Variants in DGKA observed in about 807,000 individuals in gnomAD.
The protein encoded by DGKA is 80 kDa diacylglycerol kinase.
Under a neutral mutation model 105.0 loss-of-function variants are expected in DGKA, and 35 were observed. That is an observed-to-expected ratio of 0.33 (90% CI 0.25 to 0.44). The LOEUF is 0.44. Ranked by LOEUF, DGKA falls within the 20% of genes least tolerant of loss-of-function variation. The pLI is 1.00. For missense variants in DGKA, 665 were observed against 915.0 expected, an observed-to-expected ratio of 0.73 and a Z score of 3.53; for synonymous variants, 296 against 332.0, an observed-to-expected ratio of 0.89 and a Z score of 1.18.
chr12:55,946,809 G>T (rs754599461), intron 17 of DGKA, among the ~76,000 whole-genome samples: 1 of 152,172 alleles, frequency 6.6e-6, no homozygotes, highest in Non-Finnish European at 1.5e-5. Context: ...AGACTTTCAA[G>T]AGTTAAAATG....
At position 55,952,292 on chromosome 12, in the gene DGKA, C is replaced by T. The variant is rs770618183; in HGVS notation, c.1653-49C>T. 14 of 1,585,354 alleles carry T rather than the reference C, an allele frequency of 8.8e-6. No homozygotes were observed. In the South Asian group the frequency reaches 1.3e-4, roughly 15 times the overall value. On this transcript the variant is annotated intron_variant, in intron 19 of 23. Transcript: ENST00000331886. The surrounding 1 kb of genome is among the most constrained non-coding windows in gnomAD (Gnocchi z 5.1). ...CTGTCACGTACCACCCCTGCCAGCA[C>T]TGTGTAACCTGTCCCTCCCTACTGG...
At position 55,952,249 on chromosome 12, in the gene DGKA, G is replaced by T. The variant is rs751422018; in HGVS notation, c.1653-92G>T. ...CTTGTTCCCCATGGGACTAAAGTTAGGAGGTTGATGCCCTTCCCTGTCACG... is the reference window on the plus strand; with the variant it reads ...CTTGTTCCCCATGGGACTAAAGTTATGAGGTTGATGCCCTTCCCTGTCACG... On this transcript the variant is annotated intron_variant, in intron 19 of 23. Coordinates refer to ENST00000331886, the MANE Select transcript of DGKA (RefSeq NM_001345.5). The surrounding 1 kb of genome is among the most constrained non-coding windows in gnomAD (Gnocchi z 5.1). 2.9e-5 allele frequency: 43 copies of T among 1,499,888 alleles called. No homozygotes were observed. The highest frequency in any genetic ancestry group is 1.6e-5 in the Non-Finnish European group (17 of 1,077,210). The allele number at this position is 1,499,888 out of a possible 1,614,324, so 92.9% of individuals were successfully genotyped here.
intron 1 of DGKA, chr12:55,935,491 C>T (rs1006016091): frequency 3.9e-5 from 6 of 152,304 alleles, no homozygotes; most frequent in African/African-American, 1.4e-4. Flanking sequence ...ACCTGGGGCT[C>T]CCTAAGCACT....
chr12:55,931,638 G>A (rs1375694673), intron 1 of DGKA: 1 of 152,494 alleles, frequency 6.6e-6, no homozygotes, highest in Non-Finnish European at 1.5e-5. Context: ...AGTTGGTTAG[G>A]GAAGTTCAGG....
Position 55,952,674 on chromosome 12 carries a change from T to C in DGKA, c.1744-60T>C. 1.9e-6 allele frequency: 3 copies of C among 1,582,320 alleles called. No individual in the cohort carries two copies. The South Asian group carries it at 3.3e-5, about 18-fold the overall frequency. On this transcript the variant is annotated intron_variant, in intron 20 of 23. Transcript: ENST00000331886. This position sits in a 1 kb window ranked among gnomAD's most constrained non-coding sequence, Gnocchi z 5.1. ...GTGGAGGGAGCGATCACATCTATGA[T>C]CATGCCATGAGGTGAGGATCTGTAC...
At chr12:55,949,574 G>C (rs565739312) in intron 17 of DGKA, among the ~76,000 whole-genome samples, 1 of 152,304 alleles carries the variant, frequency 6.6e-6, no homozygotes, top group Non-Finnish European at 1.5e-5. Context: ...GACTTATCAA[G>C]TCATGCTGTA....
chr12:55,945,573 A>T (rs1886828455), intron 17 of DGKA, among the ~76,000 whole-genome samples: 1 of 152,062 alleles, frequency 6.6e-6, no homozygotes, highest in Admixed American at 6.6e-5. Flanking sequence ...GGCTCTAGGG[A>T]ATAATCCTTT....
Position 55,937,123 on chromosome 12 carries a change from CA to C in DGKA, c.138+35del, listed in dbSNP as rs762403390. ...GCAGCTGGGAAATCTTCTTCTTGAT[CA>C]ACTCTTCCCATCTTTGTTTTTGATC... is the stretch of plus-strand genomic sequence containing the variant. On this transcript the variant is annotated intron_variant, in intron 3 of 23. Coordinates refer to ENST00000331886, the MANE Select transcript of DGKA (RefSeq NM_001345.5). The C allele has an allele frequency of 5.6e-6, 9 of 1,607,106 alleles. No individual in the cohort carries two copies. In the African/African-American group the frequency reaches 9.4e-5, roughly 17 times the overall value.
At chr12:55,943,340 A>C (rs1886393215) in intron 17 of DGKA, 1 of 151,068 alleles carries the variant, frequency 6.6e-6, no homozygotes, top group African/African-American at 2.4e-5. Context: ...CAGTGGTGCC[A>C]TCTCAGCTCA....
chr12:55,947,050 A>T (rs1231036548), intron 17 of DGKA, among the ~76,000 whole-genome samples: 4 of 138,982 alleles, frequency 2.9e-5, no homozygotes, highest in East Asian at 2.1e-4. Context: ...CAATGGCGCG[A>T]TCTCGGCTCA....
At chr12:55,949,339 T>C (rs1252190572) in intron 17 of DGKA, among the ~76,000 whole-genome samples, 1 of 152,042 alleles carries the variant, frequency 6.6e-6, no homozygotes, top group East Asian at 1.9e-4. Flanking sequence ...GCTGGGATTA[T>C]GGGCACCCAC....
chr12:55,942,237 T>C lies in DGKA; in HGVS notation c.1400T>C (p.Leu467Pro). The change falls in exon 17 of 24, where the codon CTG becomes CCG. Residue 467 changes from leucine (L) to proline (P), a missense_variant. Around this residue, in one of 3 missense-constraint regions of DGKA, gnomAD observed 504 missense variants for 681.2 expected, o/e 0.74. Transcript: ENST00000331886. ...TTGCCCCTGGGTACTGGAAATGATCTGGCTCGATGCCTAAGATGGGGAGGA... is the reference window on the plus strand; with the variant it reads ...TTGCCCCTGGGTACTGGAAATGATCCGGCTCGATGCCTAAGATGGGGAGGA... ...AVLPLGTGND[L>P]ARCLRWGGGY... The C allele has an allele frequency of 6.2e-7, 1 of 1,614,198 alleles. No homozygotes were observed. The highest frequency in any genetic ancestry group is 8.5e-7 in the Non-Finnish European group (1 of 1,180,044).
At chr12:55,948,467 C>A (rs1225262289) in intron 17 of DGKA, among the ~76,000 whole-genome samples, 1 of 152,000 alleles carries the variant, frequency 6.6e-6, no homozygotes. Flanking sequence ...GTGGCTCACA[C>A]CTGTAATCCC....
intron 7 of DGKA, 30 bp from the exon 8 acceptor site, chr12:55,939,156 A>G (rs1885377491): frequency 6.2e-7 from 1 of 1,611,248 alleles, no homozygotes; most frequent in South Asian, 1.1e-5. Context: ...ACCCACTCAT[A>G]CTGAAAGTCC....
At chr12:55,948,594 G>C (rs1177566691) in intron 17 of DGKA, among the ~76,000 whole-genome samples, 2 of 151,796 alleles carry the variant, frequency 1.3e-5, no homozygotes, top group African/African-American at 4.8e-5. Context: ...CAGGCATGGT[G>C]GCACACGCTT....
chr12:55,943,514 G>C (rs1265252273), intron 17 of DGKA: 1 of 152,162 alleles, frequency 6.6e-6, no homozygotes, highest in Admixed American at 6.5e-5. Flanking sequence ...GACCTCAAGT[G>C]ATCTGCCCAC....
chr12:55,940,773 C>T lies in DGKA; in HGVS notation c.1017+51C>T, dbSNP rs971972456. The T allele has an allele frequency of 1.2e-6, 2 of 1,605,050 alleles. No homozygotes were observed. The highest frequency in any genetic ancestry group is 2.2e-5 in the East Asian group (1 of 44,840). On this transcript the variant is annotated intron_variant, in intron 12 of 23. Transcript: ENST00000331886. The surrounding 1 kb of genome is among the most constrained non-coding windows in gnomAD (Gnocchi z 4.3). Reference sequence around the variant, plus strand: ...GGGGACAGGAGTGCCTCCCCGATTTCCCACACGCACAGAGTGGCATTTAGA... The same window carrying T: ...GGGGACAGGAGTGCCTCCCCGATTTTCCACACGCACAGAGTGGCATTTAGA...
At chr12:55,935,970 T>TTACTCTTGCGCTTACG (rs1172264448) in intron 1 of DGKA, 1 of 988,688 alleles carries the variant, frequency 1.0e-6, no homozygotes, top group African/African-American at 1.7e-5. Flanking sequence ...TAAGAGTCAC[T>TTACTCTTGCGCTTACG]CAGAGGGCCG....
Position 55,936,530 on chromosome 12 carries a change from C to A in DGKA, c.27C>A (p.Ser9Arg), listed in dbSNP as rs1592674018. 3 of 1,614,110 alleles carry A rather than the reference C, an allele frequency of 1.9e-6. No individual in the cohort carries two copies. Among genetic ancestry groups the A allele is most frequent in the South Asian group, 1.1e-5 (1 of 91,082 alleles). The change falls in exon 2 of 24, where the codon AGC becomes AGA. Residue 9 changes from serine to arginine, a missense_variant. Physicochemically the swap from Ser to Arg is moderately radical, Grantham distance 110 (BLOSUM62 -1). Coordinates refer to ENST00000331886, the MANE Select transcript of DGKA (RefSeq NM_001345.5). MAKERGLI[S>R]PSDFAQLQKY... ...TGGCCAAGGAGAGGGGCCTAATAAG[C>A]CCCAGTGATTTTGCCCAGCTGCAAA...
Sources: allele counts gnomAD v4.1 joint callset (sites outside exome capture counted in the v4.1 genomes callset), GRCh38; gene constraint gnomAD v4.1.1; regional missense constraint gnomAD v4.1.1; non-coding constraint Gnocchi (gnomAD v3.1); transcripts MANE v1.5; gene names NCBI Gene and HGNC (gene_info 2026-07-23, HGNC 2026-07-21).